Variants in UMAD1 observed in about 807,000 individuals in gnomAD.
UMAD1 encodes UBAP1-MVB12-associated (UMA) domain containing 1.
Under a neutral mutation model 6.1 loss-of-function variants are expected in UMAD1, and 8 were observed. The observed-to-expected ratio is 1.30, with a 90% CI of 0.76 to 2.35. The LOEUF is 2.35. Among genes scored for constraint, UMAD1 ranks in the 30% most tolerant of loss-of-function variants. UMAD1 has a pLI of 0.00. For synonymous variants in UMAD1, 56 were observed against 31.4 expected, an observed-to-expected ratio of 1.78 and a Z score of -2.61; for missense variants, 130 against 78.4, an observed-to-expected ratio of 1.66 and a Z score of -2.49.
At chr7:7,778,275 T>A (rs6961759) in intron 2 of UMAD1, among the ~76,000 whole-genome samples, 20,798 of 107,520 alleles carry the variant, frequency 0.19, 2,059 homozygotes, top group African/African-American at 0.32. Context: ...TGTGTGTGTG[T>A]GAGAGAGAGA....
chr7:7,728,422 G>T (rs1781183934), intron 2 of UMAD1, among the ~76,000 whole-genome samples: 2 of 152,144 alleles, frequency 1.3e-5, no homozygotes, highest in African/African-American at 4.8e-5. Context: ...AAGGTGGGCG[G>T]ATCATGAGGT....
At chr7:7,747,035 A>G (rs1356574445) in intron 2 of UMAD1, among the ~76,000 whole-genome samples, 1 of 151,614 alleles carries the variant, frequency 6.6e-6, no homozygotes, top group African/African-American at 2.4e-5. Flanking sequence ...TGCCATGTTT[A>G]TTTTAGGCAC....
chr7:7,655,253 C>T (rs770618271), intron 1 of UMAD1, among the ~76,000 whole-genome samples: 18 of 152,154 alleles, frequency 1.2e-4, no homozygotes, highest in Non-Finnish European at 2.5e-4. Context: ...CCCCTTCCCC[C>T]AGTACTCTTT....
At chr7:7,870,590 C>T (rs575036022) in intron 3 of UMAD1, among the ~76,000 whole-genome samples, 270 of 152,284 alleles carry the variant, frequency 1.8e-3, no homozygotes, top group South Asian at 3.3e-3. Context: ...AACTCATGCA[C>T]CTGTTTAAAC....
chr7:7,744,596 T>G (rs1781534532), intron 2 of UMAD1, among the ~76,000 whole-genome samples: 1 of 151,430 alleles, frequency 6.6e-6, no homozygotes, highest in Non-Finnish European at 1.5e-5. Flanking sequence ...TGTTACTGTT[T>G]TTTTTTTTTT....
chr7:7,784,760 T>C (rs1176521942), intron 2 of UMAD1, among the ~76,000 whole-genome samples: 20 of 131,416 alleles, frequency 1.5e-4, no homozygotes, highest in African/African-American at 4.9e-4. Context: ...TTCCTTCTTT[T>C]TTTTTTTTTT....
chr7:7,778,271 T>A (rs796181089), intron 2 of UMAD1, among the ~76,000 whole-genome samples: 4,145 of 110,544 alleles, frequency 0.037, 95 homozygotes, highest in African/African-American at 0.081. Context: ...TGTGTGTGTG[T>A]GTGTGAGAGA....
chr7:7,671,727 C>G (rs1052240885), intron 1 of UMAD1, among the ~76,000 whole-genome samples: 2 of 151,634 alleles, frequency 1.3e-5, no homozygotes, highest in Non-Finnish European at 2.9e-5. Flanking sequence ...TTTGCTTTTT[C>G]ATCTAATCTT....
intron 3 of UMAD1, among the ~76,000 whole-genome samples, chr7:7,825,263 A>G (rs1206931122): frequency 6.6e-6 from 1 of 152,188 alleles, no homozygotes; most frequent in Non-Finnish European, 1.5e-5. Context: ...TCACAACGAG[A>G]TAGTCAATTA....
rs139697995 is a variant in UMAD1 at position 7,773,977 on chromosome 7, A to G, written c.83-27693A>G. ...TCTGGCTCACTGATGGCGGCTCTCTACTGATTTCTTTTGTCTCTCCTCACC... is the reference window on the plus strand; with the variant it reads ...TCTGGCTCACTGATGGCGGCTCTCTGCTGATTTCTTTTGTCTCTCCTCACC... On this transcript the variant is annotated intron_variant, in intron 2 of 3. Coordinates refer to ENST00000682710, the MANE Select transcript of UMAD1 (RefSeq NM_001302348.2). Among the ~76,000 whole-genome samples, 117 of 152,282 alleles carry G rather than the reference A, an allele frequency of 7.7e-4. 2 individuals carry two copies. Among genetic ancestry groups the G allele is most frequent in the African/African-American group, 2.7e-3 (112 of 41,550 alleles).
chr7:7,673,403 C>A lies in UMAD1; in HGVS notation c.32C>A (p.Ser11Tyr). The A allele has an allele frequency of 8.9e-7, 1 of 1,119,798 alleles. No homozygotes were observed. The highest frequency in any genetic ancestry group is 1.3e-6 in the Non-Finnish European group (1 of 764,344). The allele number at this position is 1,119,798 out of a possible 1,614,324, so 69.4% of individuals were successfully genotyped here. Residue 11 changes from serine (S) to tyrosine (Y), a missense_variant, in exon 2 of 4, where the codon TCT becomes TAT. Transcript: ENST00000682710. The stretch of plus-strand genomic sequence containing the variant: ...CACTTCTTCAGAAAGCCTCCGGAAT[C>A]TAAAAAGCCCTCAGTACCAGAGACA... MFHFFRKPPE[S>Y]KKPSVPETEA...
At position 7,694,019 on chromosome 7, in the gene UMAD1, A is replaced by G. The variant is rs28912711; in HGVS notation, c.82+20566A>G. On this transcript the variant is annotated intron_variant, in intron 2 of 3. Coordinates refer to ENST00000682710, the MANE Select transcript of UMAD1 (RefSeq NM_001302348.2). Reference sequence around the variant, plus strand: ...ACTAATGCTTTGTTGATATAAGGCAACTGAGTTTTTTTCAACTGAGTCATT... The same window carrying G: ...ACTAATGCTTTGTTGATATAAGGCAGCTGAGTTTTTTTCAACTGAGTCATT... Among the ~76,000 whole-genome samples the G allele has an allele frequency of 5.5e-3, 841 of 152,256 alleles. 4 individuals carry two copies. The highest frequency in any genetic ancestry group is 0.019 in the African/African-American group (790 of 41,560).
chr7:7,703,492 T>A (rs1780519466), intron 2 of UMAD1, among the ~76,000 whole-genome samples: 1 of 152,228 alleles, frequency 6.6e-6, no homozygotes, highest in East Asian at 1.9e-4. Context: ...ATATAGCACA[T>A]ACACATAATT....
At chr7:7,855,371 G>C (rs1217607668) in intron 3 of UMAD1, among the ~76,000 whole-genome samples, 1 of 152,234 alleles carries the variant, frequency 6.6e-6, no homozygotes, top group African/African-American at 2.4e-5. Context: ...ACATCCAGGA[G>C]TTTCCATACA....
At chr7:7,661,734 T>A (rs1287805038) in intron 1 of UMAD1, among the ~76,000 whole-genome samples, 1 of 152,142 alleles carries the variant, frequency 6.6e-6, no homozygotes, top group Non-Finnish European at 1.5e-5. Flanking sequence ...CTCTATGAGG[T>A]GTCTGTCGGC....
At chr7:7,655,697 A>G (rs1448432374) in intron 1 of UMAD1, among the ~76,000 whole-genome samples, 3 of 152,248 alleles carry the variant, frequency 2.0e-5, no homozygotes, top group Non-Finnish European at 4.4e-5. Flanking sequence ...ATGATGTGAC[A>G]TTACATTTAG....
At chr7:7,665,076 A>G (rs1779406514) in intron 1 of UMAD1, among the ~76,000 whole-genome samples, 1 of 152,196 alleles carries the variant, frequency 6.6e-6, no homozygotes, top group South Asian at 2.1e-4. Flanking sequence ...CAGTAGCTGC[A>G]TCAATCACAC....
chr7:7,761,698 A>G (rs1291207480), intron 2 of UMAD1, among the ~76,000 whole-genome samples: 1 of 152,362 alleles, frequency 6.6e-6, no homozygotes, highest in East Asian at 1.9e-4. Flanking sequence ...CATTCTTTAC[A>G]TGGAAAGACA....
chr7:7,874,264 C>T (rs933283147), intron 3 of UMAD1, among the ~76,000 whole-genome samples: 3 of 152,200 alleles, frequency 2.0e-5, no homozygotes, highest in South Asian at 2.1e-4. Context: ...CTGCTCTAAT[C>T]GACTTCATAA....
Sources: allele counts gnomAD v4.1 joint callset (sites outside exome capture counted in the v4.1 genomes callset), GRCh38; gene constraint gnomAD v4.1.1; transcripts MANE v1.5; gene names NCBI Gene and HGNC (gene_info 2026-07-23, HGNC 2026-07-21).